AFTPH: variants seen among roughly 807,000 people sequenced by gnomAD.
AFTPH encodes aftiphilin, also known as aftiphilin protein.
AFTPH carries 7 observed loss-of-function variants against 72.5 expected under a neutral mutation model. The ratio of observed to expected loss-of-function variants is 0.10; its 90% CI spans 0.05 to 0.18. The LOEUF is 0.18. AFTPH is among the 10% of genes least tolerant of loss of function. The pLI is 1.00. For missense variants in AFTPH, 979 were observed against 1,060.5 expected, an observed-to-expected ratio of 0.92 and a Z score of 1.07; for synonymous variants, 337 against 370.1, an observed-to-expected ratio of 0.91 and a Z score of 1.03.
chr2:64,555,555 T>TCACA (rs111905151), intron 2 of AFTPH, among the ~76,000 whole-genome samples: 5,823 of 140,810 alleles, frequency 0.041, 162 homozygotes, highest in African/African-American at 0.076. Flanking sequence ...AGAGAGACTG[T>TCACA]CACACACACA....
At chr2:64,585,139 G>A (rs9309363) in intron 7 of AFTPH, among the ~76,000 whole-genome samples, 13,773 of 152,190 alleles carry the variant, frequency 0.09, 1,667 homozygotes, top group African/African-American at 0.27. Flanking sequence ...ATAGCAGATA[G>A]AAATTTTAGA....
intron 6 of AFTPH, among the ~76,000 whole-genome samples, chr2:64,573,330 A>C (rs1672558513): frequency 1.3e-5 from 2 of 151,916 alleles, no homozygotes; most frequent in African/African-American, 4.8e-5. Context: ...TAGTCTCTTT[A>C]TCTATAAATT....
At chr2:64,528,950 AAGAAT>A (rs1000596527) in intron 1 of AFTPH, among the ~76,000 whole-genome samples, 2 of 152,180 alleles carry the variant, frequency 1.3e-5, no homozygotes, top group Admixed American at 6.5e-5. Context: ...AGTGGAATGT[AAGAAT>A]AGAAGCAGAG....
rs779131436 is a variant in AFTPH, at chr2:64,591,739, A to G, written c.2580-146A>G. The G allele has an allele frequency of 3.4e-4, 266 of 790,848 alleles. 1 individual carries two copies. The highest frequency in any genetic ancestry group is 8.8e-5 in the Non-Finnish European group (44 of 499,996). 49.0% of individuals were successfully genotyped at this position (790,848 alleles called of 1,614,324 possible). On this transcript the variant is annotated intron_variant, in intron 8 of 8. Coordinates refer to ENST00000238856, the Ensembl canonical transcript of AFTPH. ...TTTGGCACAGGAAGCATACTGCACA[A>G]AAGTATTACAAGATTCAGGAACTAG...
intron 7 of AFTPH, among the ~76,000 whole-genome samples, chr2:64,582,249 T>C (rs949013641): frequency 3.3e-5 from 5 of 152,186 alleles, no homozygotes; most frequent in African/African-American, 9.7e-5. Flanking sequence ...GGTTTTGTGC[T>C]ATTCCACTAG....
rs559328062 is a variant in AFTPH at position 64,565,849 on chromosome 2, C to T, written c.1936-1713C>T. On this transcript the variant is annotated intron_variant, in intron 2 of 8. Coordinates refer to ENST00000238856, the Ensembl canonical transcript of AFTPH. Reference sequence around the variant, plus strand: ...TCTTTAGAAATTTCCATTCAACTTACATCCTTTTTTGCCTCAGCTTCATTC... The same window carrying T: ...TCTTTAGAAATTTCCATTCAACTTATATCCTTTTTTGCCTCAGCTTCATTC... Among the ~76,000 whole-genome samples, 31 of 152,324 alleles carry T rather than the reference C, an allele frequency of 2.0e-4. 1 individual carries two copies. The highest frequency in any genetic ancestry group is 1.7e-3 in the Admixed American group (26 of 15,298).
chr2:64,579,420 T>TTAAGGATTC, intron 6 of AFTPH, 66 bp from the exon 7 acceptor site: 2 of 1,338,520 alleles, frequency 1.5e-6, no homozygotes, highest in South Asian at 2.6e-5. Context: ...ATTTTTTTTT[T>TTAAGGATTC]TAAGGATTCT....
chr2:64,592,997 T>TA (rs1673909537), exon 9 of AFTPH: 2 of 152,656 alleles, frequency 1.3e-5, no homozygotes, highest in African/African-American at 4.8e-5. Flanking sequence ...TAAAATAATT[T>TA]AAAAGAAATT....
At chr2:64,555,273 T>C (rs1671284780) in intron 2 of AFTPH, among the ~76,000 whole-genome samples, 1 of 152,110 alleles carries the variant, frequency 6.6e-6, no homozygotes. Context: ...CATTAAGAGT[T>C]TCTGAGACCA....
intron 4 of AFTPH, 110 bp downstream of exon 4, chr2:64,569,328 T>G (rs1293849952): frequency 7.1e-7 from 1 of 1,404,682 alleles, no homozygotes; most frequent in Non-Finnish European, 9.6e-7. Context: ...AAAATAAATA[T>G]TTGGTTTAAA....
exon 2 of AFTPH, chr2:64,553,253 T>A (rs753154038): frequency 6.2e-7 from 1 of 1,614,148 alleles, no homozygotes; most frequent in Non-Finnish European, 8.5e-7. Context: ...ACCAGCAGGC[T>A]ACTGAATCTC....
At chr2:64,538,976 A>G (rs1477493070) in intron 1 of AFTPH, among the ~76,000 whole-genome samples, 1 of 116,314 alleles carries the variant, frequency 8.6e-6, no homozygotes, top group African/African-American at 5.7e-5. Context: ...GTTACAGACT[A>G]GAGTGGTATT....
chr2:64,574,818 A>G (rs1390076682), intron 6 of AFTPH, among the ~76,000 whole-genome samples: 2 of 152,200 alleles, frequency 1.3e-5, no homozygotes, highest in African/African-American at 4.8e-5. Flanking sequence ...CTGCCCTGAT[A>G]CGCCCTCTGG....
At chr2:64,584,659 T>C (rs6755438) in intron 7 of AFTPH, among the ~76,000 whole-genome samples, 48 of 146,966 alleles carry the variant, frequency 3.3e-4, no homozygotes, top group African/African-American at 9.3e-4. Context: ...TGCAGTGGCG[T>C]GATCTCGGCT....
chr2:64,528,726 A>G (rs1669428815), intron 1 of AFTPH, among the ~76,000 whole-genome samples: 1 of 152,164 alleles, frequency 6.6e-6, no homozygotes. Flanking sequence ...TGGGGTGGAT[A>G]GAATAGGGTG....
At chr2:64,582,025 A>AAAG (rs1380839148) in intron 7 of AFTPH, among the ~76,000 whole-genome samples, 13 of 152,262 alleles carry the variant, frequency 8.5e-5, no homozygotes, top group African/African-American at 3.1e-4. Flanking sequence ...TAACTGAATA[A>AAAG]AAGATTAAAA....
intron 6 of AFTPH, among the ~76,000 whole-genome samples, chr2:64,578,620 C>T (rs995021126): frequency 5.0e-4 from 76 of 151,596 alleles, no homozygotes; most frequent in African/African-American, 1.7e-3. Flanking sequence ...AGTAGTGGCA[C>T]GATCTCGGCT....
At chr2:64,538,529 A>G (rs1215385574) in intron 1 of AFTPH, among the ~76,000 whole-genome samples, 2 of 152,228 alleles carry the variant, frequency 1.3e-5, no homozygotes, top group Non-Finnish European at 2.9e-5. Flanking sequence ...TTTGTTTTAT[A>G]ATAATTCCCT....
rs942678754 is a variant in AFTPH at position 64,589,960 on chromosome 2, G to T, written c.2580-1925G>T. ...ATACATATATGGGGGGGGGGGGGGG[G>T]TTTCCACCAAAAATGAGATTTTAGA... On this transcript the variant is annotated intron_variant, in intron 8 of 8. Coordinates refer to ENST00000238856, the Ensembl canonical transcript of AFTPH. 6.4e-3 allele frequency among the ~76,000 whole-genome samples: 400 copies of T among 62,440 alleles called. 6 individuals are homozygous for T. The highest frequency in any genetic ancestry group is 0.017 in the African/African-American group (311 of 18,386). The allele number at this position is 62,440 out of a possible 152,430, so 41.0% of individuals were successfully genotyped here. A position where few individuals can be genotyped will look rare whatever the true frequency, so the allele number is the denominator to read the frequency against.
Sources: gnomAD v4.1 joint callset for allele counts (sites outside exome capture counted in the v4.1 genomes callset) on GRCh38, gnomAD v4.1.1 for gene constraint, MANE v1.5 for transcripts, NCBI Gene and HGNC (gene_info 2026-07-23, HGNC 2026-07-21) for gene names.